Variants in TTC3 observed in about 807,000 individuals in gnomAD.
TTC3 encodes E3 ubiquitin-protein ligase TTC3.
A neutral mutation model predicts 249.6 loss-of-function variants in TTC3; 180 were observed. The ratio of observed to expected loss-of-function variants is 0.72; its 90% CI spans 0.64 to 0.82. The LOEUF is 0.82. Ranked by LOEUF, TTC3 falls within the 40% of genes least tolerant of loss-of-function variation. The pLI, the probability that TTC3 is intolerant of heterozygous loss-of-function variation, is 0.00. For missense variants in TTC3, 2,061 were observed against 2,398.4 expected, an observed-to-expected ratio of 0.86 and a Z score of 2.94; for synonymous variants, 717 against 805.0, an observed-to-expected ratio of 0.89 and a Z score of 1.85.
intron 10 of TTC3, chr21:37,101,001 G>A (rs968027142): frequency 6.6e-6 from 1 of 152,172 alleles, no homozygotes; most frequent in African/African-American, 2.4e-5. Flanking sequence ...CCCACTTAGT[G>A]TTCAGTTCAT....
intron 1 of TTC3, among the ~76,000 whole-genome samples, chr21:37,079,957 T>A (rs1402079783): frequency 1.3e-5 from 2 of 152,222 alleles, no homozygotes; most frequent in African/African-American, 2.4e-5. Context: ...TGTCCATTTT[T>A]AAAATCTTGG....
intron 11 of TTC3, among the ~76,000 whole-genome samples, chr21:37,119,393 T>C (rs1278018482): frequency 6.6e-6 from 1 of 152,182 alleles, no homozygotes; most frequent in Non-Finnish European, 1.5e-5. Context: ...CCGTTCCGGC[T>C]CTTGTTCCCT....
exon 33 of TTC3, chr21:37,166,043 A>G: frequency 1.2e-6 from 2 of 1,614,192 alleles, no homozygotes; most frequent in Non-Finnish European, 8.5e-7. Context: ...GGTCTCTTCT[A>G]ATTCTCCTAA....
chr21:37,074,172 A>G (rs1178537467), intron 1 of TTC3, among the ~76,000 whole-genome samples: 1 of 151,514 alleles, frequency 6.6e-6, no homozygotes, highest in African/African-American at 2.4e-5. Context: ...GAGGGGGGTA[A>G]CCTCGCCGCT....
chr21:37,197,436 G>A (rs542269643), intron 42 of TTC3, 134 bp from the exon 43 acceptor site: 14 of 1,045,382 alleles, frequency 1.3e-5, no homozygotes, highest in Non-Finnish European at 2.0e-5. Flanking sequence ...GTTGTTATCA[G>A]TGGTCTTCAG....
At chr21:37,106,716 C>CTCTACAAAAAAT (rs1226422679) in intron 10 of TTC3, among the ~76,000 whole-genome samples, 1 of 152,128 alleles carries the variant, frequency 6.6e-6, no homozygotes, top group Non-Finnish European at 1.5e-5. Flanking sequence ...GGGACCGTGT[C>CTCTACAAAAAAT]TCTACAAAAA....
chr21:37,160,984 T>C, intron 30 of TTC3, 126 bp downstream of exon 30: 1 of 924,020 alleles, frequency 1.1e-6, no homozygotes. Flanking sequence ...TTTCTAGGAC[T>C]TAAAGATGTT....
At chr21:37,160,521 A>G (rs911803735) in intron 29 of TTC3, among the ~76,000 whole-genome samples, 2 of 152,234 alleles carry the variant, frequency 1.3e-5, no homozygotes, top group African/African-American at 4.8e-5. Context: ...GAATTACTTA[A>G]AAGTCTGATT....
intron 21 of TTC3, among the ~76,000 whole-genome samples, chr21:37,144,944 A>C (rs765560141): frequency 2.6e-5 from 4 of 152,232 alleles, no homozygotes; most frequent in Non-Finnish European, 4.4e-5. Context: ...GATGCACTCA[A>C]GGTGAAACAG....
intron 17 of TTC3, 92 bp downstream of exon 17, chr21:37,132,858 GT>G (rs199783734): frequency 2.3e-5 from 20 of 880,136 alleles, no homozygotes; most frequent in African/African-American, 8.9e-5. Flanking sequence ...ACATCTCTAA[GT>G]TTTTTTTATA....
At chr21:37,172,287 A>C (rs2081871243) in intron 34 of TTC3, among the ~76,000 whole-genome samples, 1 of 152,232 alleles carries the variant, frequency 6.6e-6, no homozygotes, top group Admixed American at 6.5e-5. Flanking sequence ...TTAATTGTGG[A>C]GAGTGACATT....
chr21:37,176,525 T>C (rs1187184823), intron 35 of TTC3, among the ~76,000 whole-genome samples: 1 of 152,220 alleles, frequency 6.6e-6, no homozygotes, highest in Non-Finnish European at 1.5e-5. Context: ...TAGAACAGAA[T>C]CTTGGCCCTG....
At chr21:37,091,445 C>T in intron 7 of TTC3, 32 bp downstream of exon 7, 3 of 1,572,930 alleles carry the variant, frequency 1.9e-6, no homozygotes, top group Non-Finnish European at 2.6e-6. Context: ...TGTTACTTGA[C>T]TCAGTTTTTA....
intron 38 of TTC3, 25 bp downstream of exon 38, chr21:37,187,170 A>T: frequency 6.7e-7 from 1 of 1,495,024 alleles, no homozygotes. Flanking sequence ...CTTAGTGACC[A>T]CTATGGCATT....
chr21:37,164,163 A>G, exon 32 of TTC3: 1 of 1,613,388 alleles, frequency 6.2e-7, no homozygotes, highest in Non-Finnish European at 8.5e-7. Context: ...TGTTGTCCGC[A>G]ATAAGAAGCT....
chr21:37,157,336 T>A, intron 28 of TTC3: 1 of 474,212 alleles, frequency 2.1e-6, no homozygotes, highest in Non-Finnish European at 3.5e-6. Flanking sequence ...GAACTGGGGG[T>A]CAGGAAAAGT....
intron 13 of TTC3, 75 bp from the exon 14 acceptor site, chr21:37,124,544 G>A (rs1026106391): frequency 1.3e-6 from 2 of 1,512,082 alleles, no homozygotes; most frequent in East Asian, 2.3e-5. Flanking sequence ...AAAAAAGGCT[G>A]TGATTGCTGC....
At chr21:37,176,113 A>G (rs2082263825) in intron 35 of TTC3, among the ~76,000 whole-genome samples, 1 of 152,096 alleles carries the variant, frequency 6.6e-6, no homozygotes, top group East Asian at 1.9e-4. Flanking sequence ...TAAAGCCAGA[A>G]TCTCTTGTTG....
chr21:37,127,484 C>A (rs2835616), intron 15 of TTC3, among the ~76,000 whole-genome samples: 25,244 of 152,068 alleles, frequency 0.17, 2,481 homozygotes, highest in Non-Finnish European at 0.22. Flanking sequence ...AATCTTAATA[C>A]CACCAGAGTT....
Sources: gnomAD v4.1 joint callset for allele counts (sites outside exome capture counted in the v4.1 genomes callset) on GRCh38, gnomAD v4.1.1 for gene constraint, MANE v1.5 for transcripts, NCBI Gene and HGNC (gene_info 2026-07-23, HGNC 2026-07-21) for gene names.